Variants in HS3ST4 observed in about 807,000 individuals in gnomAD.
HS3ST4 encodes the protein heparan sulfate glucosamine 3-O-sulfotransferase 4.
HS3ST4 carries 17 observed loss-of-function variants against 29.2 expected under a neutral mutation model. The observed-to-expected ratio is 0.58, with a 90% CI of 0.40 to 0.87. The LOEUF is 0.87. Ranked by LOEUF, HS3ST4 falls within the 40% of genes least tolerant of loss-of-function variation. The probability of loss-of-function intolerance (pLI) is 0.00; values close to 1 mark genes in which losing one functional copy is unlikely to be tolerated. For missense variants in HS3ST4, 627 were observed against 634.5 expected (o/e 0.99, Z 0.13); for synonymous variants, 314 against 285.7 (o/e 1.10, Z -1.00).
At chr16:26,021,345 C>T (rs1026916559) in intron 1 of HS3ST4, among the ~76,000 whole-genome samples, 5 of 152,224 alleles carry the variant, frequency 3.3e-5, no homozygotes, top group Non-Finnish European at 7.3e-5. Context: ...CAGCCTGCAT[C>T]ATTAGATGGA....
intron 1 of HS3ST4, among the ~76,000 whole-genome samples, chr16:25,950,057 C>T (rs568956054): frequency 1.3e-5 from 2 of 152,126 alleles, no homozygotes; most frequent in Non-Finnish European, 2.9e-5. Flanking sequence ...CACAAATTCG[C>T]AAATTACCTG....
At chr16:25,980,527 T>C in intron 1 of HS3ST4, among the ~76,000 whole-genome samples, 1 of 152,184 alleles carries the variant, frequency 6.6e-6, no homozygotes, top group Non-Finnish European at 1.5e-5. Context: ...TCCATATGCT[T>C]GGCATGGTCA....
chr16:26,024,622 C>T (rs1969448922), intron 1 of HS3ST4, among the ~76,000 whole-genome samples: 1 of 152,062 alleles, frequency 6.6e-6, no homozygotes, highest in African/African-American at 2.4e-5. Flanking sequence ...ATCCCAGCTA[C>T]TCGGGAGGCT....
chr16:25,763,241 T>C (rs1047593682), intron 1 of HS3ST4, among the ~76,000 whole-genome samples: 11 of 152,096 alleles, frequency 7.2e-5, no homozygotes, highest in African/African-American at 2.7e-4. Context: ...GAAACTTGCC[T>C]TTGGGGAAGC....
In HS3ST4 at chr16:25,879,248, A is replaced by C. The variant is rs117841383; in HGVS notation, c.734+186097A>C. Among the ~76,000 whole-genome samples, 933 of 152,324 alleles carry C rather than the reference A, an allele frequency of 6.1e-3. 8 individuals are homozygous for C. The highest frequency in any genetic ancestry group is 0.017 in the Admixed American group (264 of 15,298). On this transcript the variant is annotated intron_variant, in intron 1 of 1. Transcript: ENST00000331351. ...TATAATTGCTCACCTTTACTGAGCA[A>C]TTGCTTTGGGTAGAAAGAATGCACT...
At chr16:26,070,410 G>A (rs954633028) in intron 1 of HS3ST4, among the ~76,000 whole-genome samples, 21 of 152,152 alleles carry the variant, frequency 1.4e-4, no homozygotes, top group Admixed American at 9.8e-4. Context: ...AGCTGCAGAC[G>A]TCAGAACAAG....
rs142959446 is a variant in HS3ST4, at chr16:25,958,401, G to A, written c.735-177211G>A. 5.9e-3 allele frequency among the ~76,000 whole-genome samples: 901 copies of A among 151,698 alleles called. 6 individuals carry two copies. Among genetic ancestry groups the A allele is most frequent in the African/African-American group, 0.02 (834 of 41,288 alleles). On this transcript the variant is annotated intron_variant, in intron 1 of 1. Transcript: ENST00000331351. ...GGCTGGAGTGCAGTGGTGTGATCTCGGCTCACTGCAACCTCTGCCTCCTGA... is the reference window on the plus strand; with the variant it reads ...GGCTGGAGTGCAGTGGTGTGATCTCAGCTCACTGCAACCTCTGCCTCCTGA...
At chr16:25,935,780 A>G (rs1968511642) in intron 1 of HS3ST4, among the ~76,000 whole-genome samples, 1 of 152,140 alleles carries the variant, frequency 6.6e-6, no homozygotes, top group South Asian at 2.1e-4. Flanking sequence ...TATAATGTTT[A>G]TATGTTTATA....
At chr16:25,904,041 G>A (rs1483150388) in intron 1 of HS3ST4, among the ~76,000 whole-genome samples, 1 of 152,178 alleles carries the variant, frequency 6.6e-6, no homozygotes, top group Non-Finnish European at 1.5e-5. Flanking sequence ...GGGTAGATTA[G>A]TGATGAAACG....
chr16:26,046,539 CCTTCA>C (rs1286850053), intron 1 of HS3ST4, among the ~76,000 whole-genome samples: 3 of 151,984 alleles, frequency 2.0e-5, no homozygotes, highest in Non-Finnish European at 4.4e-5. Flanking sequence ...ACCTGTGGAC[CCTTCA>C]CTTCACTTCT....
At position 25,968,553 on chromosome 16, in the gene HS3ST4, T is replaced by G. The variant is rs549469303; in HGVS notation, c.735-167059T>G. Among the ~76,000 whole-genome samples the G allele has an allele frequency of 2.0e-5, 3 of 152,294 alleles. No individual in the cohort carries two copies. The East Asian group carries it at 5.8e-4, about 29-fold the overall frequency. On this transcript the variant is annotated intron_variant, in intron 1 of 1. Transcript: ENST00000331351. ...TTCTATTTTCCTGCATTCAGCCTCCTTCATGTATCCGTATCAATAAGTAGC... is the reference window on the plus strand; with the variant it reads ...TTCTATTTTCCTGCATTCAGCCTCCGTCATGTATCCGTATCAATAAGTAGC...
chr16:25,817,676 T>C (rs1967107702), intron 1 of HS3ST4, among the ~76,000 whole-genome samples: 1 of 152,200 alleles, frequency 6.6e-6, no homozygotes, highest in Non-Finnish European at 1.5e-5. Context: ...AAAATGGGAT[T>C]ATATTTTGCA....
At chr16:25,839,799 C>G (rs1400772749) in intron 1 of HS3ST4, among the ~76,000 whole-genome samples, 1 of 152,138 alleles carries the variant, frequency 6.6e-6, no homozygotes, top group African/African-American at 2.4e-5. Context: ...GGAAGAACAT[C>G]TAATTTTATT....
intron 1 of HS3ST4, among the ~76,000 whole-genome samples, chr16:25,927,705 T>C (rs534607011): frequency 3.4e-4 from 52 of 151,368 alleles, no homozygotes; most frequent in African/African-American, 1.2e-3. Flanking sequence ...GTTTTTTTTT[T>C]TCCCCGATTT....
chr16:25,887,233 A>G (rs960829422), intron 1 of HS3ST4, among the ~76,000 whole-genome samples: 5 of 152,200 alleles, frequency 3.3e-5, no homozygotes, highest in African/African-American at 1.2e-4. Flanking sequence ...AGAAGCGGAC[A>G]CTGAGGCAAG....
intron 1 of HS3ST4, among the ~76,000 whole-genome samples, chr16:25,707,076 T>C (rs1966380437): frequency 6.6e-6 from 1 of 152,158 alleles, no homozygotes; most frequent in African/African-American, 2.4e-5. Flanking sequence ...TACCCATCCT[T>C]GAGTCACTCA....
chr16:26,019,921 C>T (rs948373271), intron 1 of HS3ST4, among the ~76,000 whole-genome samples: 4 of 152,178 alleles, frequency 2.6e-5, no homozygotes, highest in African/African-American at 9.7e-5. Flanking sequence ...GCTGCCTACC[C>T]CATCCCCAGC....
intron 1 of HS3ST4, among the ~76,000 whole-genome samples, chr16:26,043,032 A>T (rs1196147160): frequency 6.6e-6 from 1 of 152,190 alleles, no homozygotes; most frequent in African/African-American, 2.4e-5. Context: ...CCCAAGAGTT[A>T]AAAAGTTGCT....
At chr16:26,099,337 G>A (rs888371814) in intron 1 of HS3ST4, among the ~76,000 whole-genome samples, 4 of 152,074 alleles carry the variant, frequency 2.6e-5, no homozygotes, top group Non-Finnish European at 1.5e-5. Context: ...AAAAATTTTT[G>A]TGGAGTTGGA....
Sources: gnomAD v4.1 joint callset for allele counts (sites outside exome capture counted in the v4.1 genomes callset) on GRCh38, gnomAD v4.1.1 for gene constraint, MANE v1.5 for transcripts, NCBI Gene and HGNC (gene_info 2026-07-23, HGNC 2026-07-21) for gene names.